CCSER1: variants seen among roughly 807,000 people sequenced by gnomAD.
CCSER1 encodes the protein coiled-coil serine rich protein 1.
CCSER1 carries 41 observed loss-of-function variants against 82.0 expected under a neutral mutation model. The observed-to-expected ratio is 0.50, with a 90% CI of 0.39 to 0.65. The LOEUF (loss-of-function observed/expected upper bound fraction) is 0.65, where lower values mean the gene tolerates loss of function less well. CCSER1 is among the 30% of genes least tolerant of loss of function. CCSER1 has a pLI of 0.00. For synonymous variants in CCSER1, 414 were observed against 383.9 expected (o/e 1.08, Z -0.92); for missense variants, 1,119 against 1,064.2 (o/e 1.05, Z -0.72).
intron 10 of CCSER1, among the ~76,000 whole-genome samples, chr4:91,279,733 C>T (rs571942399): frequency 1.3e-5 from 2 of 152,002 alleles, no homozygotes; most frequent in South Asian, 4.2e-4. Context: ...AATTATTTTT[C>T]TGGAATTTCA....
intron 10 of CCSER1, among the ~76,000 whole-genome samples, chr4:91,393,117 A>G (rs1578348001): frequency 6.6e-6 from 1 of 152,108 alleles, no homozygotes; most frequent in South Asian, 2.1e-4. Flanking sequence ...TGAATCATGA[A>G]TAGGACTGAC....
chr4:91,223,629 G>A (rs992362453), intron 10 of CCSER1, among the ~76,000 whole-genome samples: 2 of 152,082 alleles, frequency 1.3e-5, no homozygotes, highest in Non-Finnish European at 2.9e-5. Context: ...AAACATAGCT[G>A]AGGATGGGTA....
At chr4:91,276,417 G>A (rs535409833) in intron 10 of CCSER1, among the ~76,000 whole-genome samples, 1 of 150,558 alleles carries the variant, frequency 6.6e-6, no homozygotes, top group African/African-American at 2.4e-5. Context: ...TGAAAAATGA[G>A]ATTACCTTCT....
At chr4:90,250,055 C>T (rs963514193) in intron 1 of CCSER1, among the ~76,000 whole-genome samples, 3 of 151,824 alleles carry the variant, frequency 2.0e-5, no homozygotes, top group Non-Finnish European at 2.9e-5. Flanking sequence ...GCATAAATAT[C>T]GATTTAGATT....
chr4:90,331,387 G>A (rs551530595), intron 3 of CCSER1, among the ~76,000 whole-genome samples: 11 of 152,206 alleles, frequency 7.2e-5, no homozygotes, highest in African/African-American at 2.6e-4. Flanking sequence ...TATGCATTAG[G>A]TACTATTTTA....
chr4:91,402,186 A>C (rs1044490972), intron 10 of CCSER1, among the ~76,000 whole-genome samples: 8 of 152,256 alleles, frequency 5.3e-5, no homozygotes, highest in African/African-American at 1.9e-4. Context: ...TTGGCTGCAT[A>C]AATGTCTTCT....
rs59680301 is a variant in CCSER1, at chr4:91,123,691, T to A, written c.2217+37697T>A. Among the ~76,000 whole-genome samples the A allele has an allele frequency of 4.3e-3, 660 of 151,916 alleles. 6 individuals carry two copies. The highest frequency in any genetic ancestry group is 0.015 in the African/African-American group (619 of 41,542). The stretch of plus-strand genomic sequence containing the variant: ...GAGACTTTCTTTTAGAACAACTATG[T>A]GATACCCATAATTCTAATTCTTTAC... On this transcript the variant is annotated intron_variant, in intron 10 of 10. Transcript: ENST00000509176.
chr4:90,422,338 T>C (rs936214101), intron 4 of CCSER1, among the ~76,000 whole-genome samples: 7 of 152,108 alleles, frequency 4.6e-5, no homozygotes. Context: ...AGACACATGA[T>C]CCTCCAGCAC....
In CCSER1 at chr4:90,658,982, C is replaced by T. The variant is rs185432494; in HGVS notation, c.1932+30750C>T. Among the ~76,000 whole-genome samples, 314 of 151,874 alleles carry T rather than the reference C, an allele frequency of 2.1e-3. 1 individual carries two copies. The highest frequency in any genetic ancestry group is 7.1e-3 in the African/African-American group (295 of 41,422). On this transcript the variant is annotated intron_variant, in intron 6 of 10. Transcript: ENST00000509176. ...ACACACACATGTGATATTTTCTTCC[C>T]GTTTTCTTGCCTCTCTAGGTAGTTT...
intron 8 of CCSER1, among the ~76,000 whole-genome samples, chr4:90,880,758 A>G (rs992806246): frequency 6.6e-6 from 1 of 152,096 alleles, no homozygotes; most frequent in East Asian, 1.9e-4. Context: ...GGCCCACTTC[A>G]GTCTCTAGTC....
chr4:91,593,591 C>A (rs959956406), intron 10 of CCSER1, among the ~76,000 whole-genome samples: 11 of 148,716 alleles, frequency 7.4e-5, no homozygotes, highest in African/African-American at 2.7e-4. Context: ...GGATTACAGG[C>A]GTGAGCCACA....
chr4:91,595,331 T>C (rs1350008189), intron 10 of CCSER1, among the ~76,000 whole-genome samples: 1 of 152,200 alleles, frequency 6.6e-6, no homozygotes, highest in Non-Finnish European at 1.5e-5. Flanking sequence ...CACAAACATC[T>C]GTCTCACAGT....
At chr4:90,510,435 A>T (rs532816244) in intron 5 of CCSER1, among the ~76,000 whole-genome samples, 4 of 152,190 alleles carry the variant, frequency 2.6e-5, no homozygotes, top group South Asian at 2.1e-4. Context: ...TATAACATTA[A>T]TTTTTTTTAT....
At chr4:91,372,685 A>C (rs993999225) in intron 10 of CCSER1, among the ~76,000 whole-genome samples, 9 of 152,154 alleles carry the variant, frequency 5.9e-5, no homozygotes, top group African/African-American at 2.2e-4. Flanking sequence ...AACTACTTAA[A>C]TTCATCTAAT....
chr4:91,521,279 T>C (rs1056300242), intron 10 of CCSER1, among the ~76,000 whole-genome samples: 4 of 152,236 alleles, frequency 2.6e-5, no homozygotes, highest in African/African-American at 7.2e-5. Flanking sequence ...CAGTCTATCA[T>C]TGATGGACAT....
chr4:90,478,933 G>T (rs1477464677), intron 5 of CCSER1, among the ~76,000 whole-genome samples: 1 of 151,704 alleles, frequency 6.6e-6, no homozygotes, highest in Admixed American at 6.6e-5. Flanking sequence ...TATAGACGAG[G>T]TTTCACCATG....
At chr4:90,788,104 A>G (rs1010145945) in intron 7 of CCSER1, among the ~76,000 whole-genome samples, 1 of 152,204 alleles carries the variant, frequency 6.6e-6, no homozygotes, top group Non-Finnish European at 1.5e-5. Flanking sequence ...TCAATTTCTA[A>G]TATTATCCTA....
chr4:90,869,581 T>A (rs1030735241), intron 8 of CCSER1, among the ~76,000 whole-genome samples: 1 of 151,974 alleles, frequency 6.6e-6, no homozygotes, highest in African/African-American at 2.4e-5. Context: ...TTTCTGCCAG[T>A]ACCATGCTGT....
chr4:90,798,821 T>C (rs1756385379), intron 7 of CCSER1, among the ~76,000 whole-genome samples: 1 of 152,154 alleles, frequency 6.6e-6, no homozygotes, highest in Non-Finnish European at 1.5e-5. Context: ...CTGACTTTGT[T>C]CTCTTGGCTC....
Sources: allele counts gnomAD v4.1 joint callset (sites outside exome capture counted in the v4.1 genomes callset), GRCh38; gene constraint gnomAD v4.1.1; transcripts MANE v1.5; gene names NCBI Gene and HGNC (gene_info 2026-07-23, HGNC 2026-07-21).